Variants in CARMIL1 observed in about 807,000 individuals in gnomAD.
CARMIL1 encodes capping protein regulator and myosin 1 linker 1.
CARMIL1 carries 90 observed loss-of-function variants against 177.1 expected under a neutral mutation model. The ratio of observed to expected loss-of-function variants is 0.51; its 90% CI spans 0.43 to 0.61. The LOEUF is 0.61. CARMIL1 is among the 20% of genes least tolerant of loss of function. The probability of loss-of-function intolerance (pLI) is 0.00; values close to 1 mark genes in which losing one functional copy is unlikely to be tolerated. For missense variants in CARMIL1, 1,380 were observed against 1,667.0 expected, an observed-to-expected ratio of 0.83 and a Z score of 3.00; for synonymous variants, 577 against 606.2, an observed-to-expected ratio of 0.95 and a Z score of 0.71.
intron 11 of CARMIL1, among the ~76,000 whole-genome samples, chr6:25,480,123 T>C (rs1801947062): frequency 6.6e-6 from 1 of 152,138 alleles, no homozygotes; most frequent in African/African-American, 2.4e-5. Context: ...GTGTGGACTT[T>C]GAAGAAATGT....
At chr6:25,499,517 A>G (rs1804096815) in intron 16 of CARMIL1, among the ~76,000 whole-genome samples, 1 of 152,204 alleles carries the variant, frequency 6.6e-6, no homozygotes, top group African/African-American at 2.4e-5. Context: ...TGATTAGTCT[A>G]ATCTCCTCAA....
At chr6:25,520,097 G>T (rs970030840) in intron 22 of CARMIL1, 147 bp from the exon 23 acceptor site, 1 of 488,156 alleles carries the variant, frequency 2.0e-6, no homozygotes. Flanking sequence ...AGGATAATCT[G>T]CAATCTAGGG....
At chr6:25,314,536 G>A (rs1486140114) in intron 2 of CARMIL1, among the ~76,000 whole-genome samples, 5 of 149,876 alleles carry the variant, frequency 3.3e-5, no homozygotes, top group Non-Finnish European at 5.9e-5. Context: ...ACATATATAC[G>A]TATACATACA....
intron 8 of CARMIL1, among the ~76,000 whole-genome samples, chr6:25,460,529 T>A (rs1240076177): frequency 6.6e-6 from 1 of 152,210 alleles, no homozygotes; most frequent in Admixed American, 6.5e-5. Context: ...CACTCTACAC[T>A]AGACCTTGCT....
At chr6:25,396,167 T>C (rs1301916050) in intron 2 of CARMIL1, among the ~76,000 whole-genome samples, 1 of 97,962 alleles carries the variant, frequency 1.0e-5, no homozygotes, top group Non-Finnish European at 2.1e-5. Flanking sequence ...AAAATTATTC[T>C]GCTTTTTTTT....
At chr6:25,369,349 G>A (rs987464231) in intron 2 of CARMIL1, among the ~76,000 whole-genome samples, 10 of 149,684 alleles carry the variant, frequency 6.7e-5, no homozygotes, top group Non-Finnish European at 1.3e-4. Context: ...CTTGCAGTCA[G>A]CTTAACAGTT....
Position 25,326,143 on chromosome 6 carries a change from C to T in CARMIL1, c.138+41234C>T, listed in dbSNP as rs1785070914. On this transcript the variant is annotated intron_variant, in intron 2 of 36. Coordinates refer to ENST00000329474, the MANE Select transcript of CARMIL1 (RefSeq NM_017640.6). This position sits in a 1 kb window ranked among gnomAD's most constrained non-coding sequence, Gnocchi z 4.2. Reference sequence around the variant, plus strand: ...TCAGCCTCCCAAAATGCTGGGATTACAGGCGTGAGCCACTGCGCTCGGCCT... The same window carrying T: ...TCAGCCTCCCAAAATGCTGGGATTATAGGCGTGAGCCACTGCGCTCGGCCT... Among the ~76,000 whole-genome samples the T allele has an allele frequency of 6.6e-6, 1 of 152,186 alleles. No homozygotes were observed. The highest frequency in any genetic ancestry group is 1.5e-5 in the Non-Finnish European group (1 of 68,030).
At chr6:25,293,124 G>A (rs1253944381) in intron 2 of CARMIL1, among the ~76,000 whole-genome samples, 1 of 150,802 alleles carries the variant, frequency 6.6e-6, no homozygotes, top group African/African-American at 2.4e-5. Flanking sequence ...TAGAATATAA[G>A]AATTTGGATT....
intron 2 of CARMIL1, among the ~76,000 whole-genome samples, chr6:25,296,935 T>TCTATCTTCAACTAAC: frequency 7.3e-6 from 1 of 136,344 alleles, no homozygotes; most frequent in South Asian, 2.4e-4. Flanking sequence ...CTATCTATCT[T>TCTATCTTCAACTAAC]TAACTAACTA....
At chr6:25,595,687 G>A (rs536298366) in intron 32 of CARMIL1, among the ~76,000 whole-genome samples, 6 of 152,076 alleles carry the variant, frequency 3.9e-5, no homozygotes, top group South Asian at 2.1e-4. Flanking sequence ...TAAAGCCCAC[G>A]GAATCCTTTA....
chr6:25,514,542 C>A (rs1317138771), intron 20 of CARMIL1, among the ~76,000 whole-genome samples: 5 of 115,816 alleles, frequency 4.3e-5, no homozygotes, highest in Non-Finnish European at 6.9e-5. Context: ...CAGAGCGAGA[C>A]CTTGTCTCAA....
At chr6:25,409,641 G>A (rs188834980) in intron 2 of CARMIL1, among the ~76,000 whole-genome samples, 2 of 152,206 alleles carry the variant, frequency 1.3e-5, no homozygotes, top group African/African-American at 2.4e-5. Context: ...ATATGGTACC[G>A]TATGCTAGTA....
intron 2 of CARMIL1, among the ~76,000 whole-genome samples, chr6:25,403,018 A>G (rs1794020954): frequency 6.6e-6 from 1 of 152,074 alleles, no homozygotes; most frequent in Non-Finnish European, 1.5e-5. Context: ...TAATCTTCAG[A>G]ATAACACTTG....
At chr6:25,461,977 T>C (rs1417800362) in intron 8 of CARMIL1, among the ~76,000 whole-genome samples, 1 of 152,214 alleles carries the variant, frequency 6.6e-6, no homozygotes, top group East Asian at 1.9e-4. Context: ...ATATATCTTA[T>C]TTAGTGAAGT....
In CARMIL1 at chr6:25,606,232, G is replaced by T. The variant is rs767446556; in HGVS notation, c.3806G>T (p.Arg1269Leu). 4 of 1,613,878 alleles carry T rather than the reference G, an allele frequency of 2.5e-6. No individual in the cohort carries two copies. In the East Asian group the frequency reaches 8.9e-5, roughly 36 times the overall value. Residue 1269 changes from arginine (R) to leucine (L), a missense_variant, in exon 35 of 37, where the codon CGG becomes CTG. Transcript: ENST00000329474. ...TCCCCCAAACCCAGTCTGGCAGCAC[G>T]GCCCGTCATCCCGCAGAAACCAAGA... ...LQSPKPSLAA[R>L]PVIPQKPRTA...
intron 2 of CARMIL1, among the ~76,000 whole-genome samples, chr6:25,403,757 C>G (rs1794094806): frequency 6.6e-6 from 1 of 152,182 alleles, no homozygotes; most frequent in Non-Finnish European, 1.5e-5. Context: ...ACCTAACCCA[C>G]CACTCCTCTC....
chr6:25,329,112 T>C (rs1003589614), intron 2 of CARMIL1, among the ~76,000 whole-genome samples: 1 of 152,240 alleles, frequency 6.6e-6, no homozygotes, highest in Non-Finnish European at 1.5e-5. Flanking sequence ...GCTTGCAGCC[T>C]GCTCTACTGT....
At chr6:25,504,072 TA>T (rs1259692680) in intron 17 of CARMIL1, among the ~76,000 whole-genome samples, 24 of 152,278 alleles carry the variant, frequency 1.6e-4, no homozygotes, top group African/African-American at 5.3e-4. Flanking sequence ...TATTTATAAA[TA>T]GGTGATTAAT....
intron 24 of CARMIL1, among the ~76,000 whole-genome samples, chr6:25,532,543 A>T (rs1428729145): frequency 6.6e-6 from 1 of 152,194 alleles, no homozygotes; most frequent in Non-Finnish European, 1.5e-5. Flanking sequence ...AGATTGCAGA[A>T]ACCTGAATAT....
Sources: gnomAD v4.1 joint callset for allele counts (sites outside exome capture counted in the v4.1 genomes callset) on GRCh38, gnomAD v4.1.1 for gene constraint, Gnocchi (gnomAD v3.1) non-coding constraint, MANE v1.5 for transcripts, NCBI Gene and HGNC (gene_info 2026-07-23, HGNC 2026-07-21) for gene names.